NAV1: variants seen among roughly 807,000 people sequenced by gnomAD.
NAV1 encodes the protein pore membrane and/or filament interacting like protein 3.
A neutral mutation model predicts 175.2 loss-of-function variants in NAV1; 18 were observed. The ratio of observed to expected loss-of-function variants is 0.10; its 90% CI spans 0.07 to 0.15. NAV1 has a LOEUF of 0.15. Ranked by LOEUF, NAV1 falls within the 10% of genes least tolerant of loss-of-function variation. The pLI is 1.00. For synonymous variants in NAV1, 897 were observed against 978.7 expected (o/e 0.92, Z 1.56); for missense variants, 1,731 against 2,436.6 (o/e 0.71, Z 6.10).
intron 2 of NAV1, among the ~76,000 whole-genome samples, chr1:201,601,439 C>T (rs1340116165): frequency 1.3e-5 from 2 of 152,138 alleles, no homozygotes; most frequent in Non-Finnish European, 2.9e-5. Flanking sequence ...GCTGTGATCA[C>T]ACCACTGTAC....
intron 1 of NAV1, among the ~76,000 whole-genome samples, chr1:201,711,465 CT>C: frequency 6.6e-6 from 1 of 152,358 alleles, no homozygotes; most frequent in Middle Eastern, 3.4e-3. Flanking sequence ...GAATAAAAAC[CT>C]CTTGAAGAGA....
intron 1 of NAV1, among the ~76,000 whole-genome samples, chr1:201,661,393 C>T (rs1669610709): frequency 6.6e-6 from 1 of 152,188 alleles, no homozygotes; most frequent in African/African-American, 2.4e-5. Context: ...AGTATCGTGG[C>T]TAGTGCTGGA....
chr1:201,769,212 T>G (rs969244222), intron 3 of NAV1, among the ~76,000 whole-genome samples: 2 of 152,230 alleles, frequency 1.3e-5, no homozygotes, highest in African/African-American at 4.8e-5. Flanking sequence ...ACTTGCACTA[T>G]GAAAAATGTT....
At chr1:201,747,230 G>T (rs1673828748) in intron 3 of NAV1, among the ~76,000 whole-genome samples, 1 of 152,166 alleles carries the variant, frequency 6.6e-6, no homozygotes, top group South Asian at 2.1e-4. Flanking sequence ...AGTTGCCCTA[G>T]TGCATGCACA....
intron 1 of NAV1, among the ~76,000 whole-genome samples, chr1:201,693,799 C>A (rs1671062744): frequency 1.3e-5 from 2 of 152,098 alleles, no homozygotes; most frequent in South Asian, 4.1e-4. Flanking sequence ...GAAGATCAGG[C>A]CAAAAATGTC....
intron 3 of NAV1, among the ~76,000 whole-genome samples, chr1:201,745,310 T>C (rs183330486): frequency 6.6e-6 from 1 of 152,344 alleles, no homozygotes. Context: ...CCTTAAGTAT[T>C]GAGCATAATC....
At chr1:201,640,558 A>G (rs1017028043) in intron 2 of NAV1, among the ~76,000 whole-genome samples, 3 of 152,160 alleles carry the variant, frequency 2.0e-5, no homozygotes, top group East Asian at 1.9e-4. Flanking sequence ...CAGAGCAGAG[A>G]TTTAGGGGCA....
At chr1:201,791,181 C>T (rs1677096903) in intron 13 of NAV1, 1 of 181,730 alleles carries the variant, frequency 5.5e-6, no homozygotes, top group African/African-American at 2.4e-5. Context: ...TTGTTCATGC[C>T]ACGTAACTGT....
At chr1:201,668,301 C>G (rs1669904647) in intron 1 of NAV1, among the ~76,000 whole-genome samples, 1 of 152,130 alleles carries the variant, frequency 6.6e-6, no homozygotes, top group African/African-American at 2.4e-5. Context: ...CTTTAGCAGG[C>G]TTTGTACTCA....
intron 1 of NAV1, among the ~76,000 whole-genome samples, chr1:201,690,020 G>C: frequency 7.0e-6 from 1 of 141,996 alleles, no homozygotes. Context: ...TGTTTCCTCT[G>C]TGGCCTATAT....
chr1:201,613,661 G>A (rs1025930938), intron 2 of NAV1, among the ~76,000 whole-genome samples: 26 of 152,088 alleles, frequency 1.7e-4, no homozygotes, highest in Admixed American at 1.6e-3. Context: ...TCAGGAGTTC[G>A]AGACCAGCCT....
intron 2 of NAV1, among the ~76,000 whole-genome samples, chr1:201,594,243 G>C (rs1667289286): frequency 1.3e-5 from 2 of 152,166 alleles, no homozygotes; most frequent in African/African-American, 4.8e-5. Flanking sequence ...TGGGCTAAGG[G>C]AGTGCATCAT....
At chr1:201,579,994 G>A (rs1666801550) in intron 1 of NAV1, among the ~76,000 whole-genome samples, 1 of 152,202 alleles carries the variant, frequency 6.6e-6, no homozygotes, top group South Asian at 2.1e-4. Context: ...AAGGCCAAAG[G>A]CCTGAGAAAC....
intron 3 of NAV1, among the ~76,000 whole-genome samples, chr1:201,737,068 G>A (rs1413550908): frequency 6.6e-6 from 1 of 152,014 alleles, no homozygotes; most frequent in African/African-American, 2.4e-5. Flanking sequence ...CAAGGTCAGG[G>A]CCCCTTCAAG....
chr1:201,678,520 C>G (rs187866862), intron 1 of NAV1, among the ~76,000 whole-genome samples: 14 of 152,300 alleles, frequency 9.2e-5, no homozygotes, highest in Admixed American at 3.9e-4. Context: ...ATAATTGCCA[C>G]AGCCAGGATT....
At chr1:201,618,852 G>A (rs1282969265), upstream of NAV1, among the ~76,000 whole-genome samples, 1 of 152,220 alleles carries the variant, frequency 6.6e-6, no homozygotes, top group African/African-American at 2.4e-5. Flanking sequence ...CATCTGCCAG[G>A]TGTCCTTAAA....
At chr1:201,800,830 T>A (rs1357348345) in intron 15 of NAV1, among the ~76,000 whole-genome samples, 1 of 147,000 alleles carries the variant, frequency 6.8e-6, no homozygotes, top group African/African-American at 2.5e-5. Flanking sequence ...TTTTTTTTTT[T>A]TTTTTTTTTT....
At chr1:201,784,758 GT>G (rs1293935241) in intron 7 of NAV1, among the ~76,000 whole-genome samples, 1 of 150,636 alleles carries the variant, frequency 6.6e-6, no homozygotes, top group Non-Finnish European at 1.5e-5. Flanking sequence ...TTGTTTGTTT[GT>G]TTTTTGTTGT....
chr1:201,586,995 G>T (rs1450413159), intron 1 of NAV1, among the ~76,000 whole-genome samples: 1 of 152,124 alleles, frequency 6.6e-6, no homozygotes, highest in Non-Finnish European at 1.5e-5. Flanking sequence ...CTTGAGCCCA[G>T]GAATCTGAGA....
Sources: gnomAD v4.1 joint callset for allele counts (sites outside exome capture counted in the v4.1 genomes callset) on GRCh38, gnomAD v4.1.1 for gene constraint, MANE v1.5 for transcripts, NCBI Gene and HGNC (gene_info 2026-07-23, HGNC 2026-07-21) for gene names.